The following FRAS1 variants were observed in gnomAD, a reference collection of about 807,000 sequenced individuals.
The protein encoded by FRAS1 is extracellular matrix organizing protein FRAS1.
In FRAS1, 290 loss-of-function variants were observed where a neutral mutation model predicts 435.2. That is an observed-to-expected ratio of 0.67 (90% CI 0.61 to 0.73). The LOEUF is 0.73. Ranked by LOEUF, FRAS1 falls within the 30% of genes least tolerant of loss-of-function variation. FRAS1 has a pLI of 0.00. For missense variants in FRAS1, 4,860 were observed against 5,001.5 expected (o/e 0.97, Z 0.85); for synonymous variants, 1,800 against 1,851.0 (o/e 0.97, Z 0.71).
intron 2 of FRAS1, among the ~76,000 whole-genome samples, chr4:78,130,076 C>T (rs996736443): frequency 6.6e-6 from 1 of 152,144 alleles, no homozygotes; most frequent in Non-Finnish European, 1.5e-5. Context: ...GGTTGTTTTC[C>T]ATGCAGTACT....
At chr4:78,233,204 T>C (rs1303412575) in intron 2 of FRAS1, among the ~76,000 whole-genome samples, 1 of 152,222 alleles carries the variant, frequency 6.6e-6, no homozygotes, top group African/African-American at 2.4e-5. Context: ...TAAATATGGC[T>C]GGCACTTAGA....
intron 2 of FRAS1, among the ~76,000 whole-genome samples, chr4:78,122,918 C>T (rs940938640): frequency 1.3e-5 from 2 of 152,030 alleles, no homozygotes; most frequent in South Asian, 2.1e-4. Flanking sequence ...TTCTTCCATT[C>T]TGTAGGTTGC....
chr4:78,100,911 G>T (rs1284507895), intron 2 of FRAS1, among the ~76,000 whole-genome samples: 1 of 152,154 alleles, frequency 6.6e-6, no homozygotes, highest in East Asian at 1.9e-4. Flanking sequence ...AGAAATCTTG[G>T]CCTCAAAGCC....
At chr4:78,372,677 G>GA in intron 23 of FRAS1, 41 bp from the exon 24 acceptor site, 1 of 1,608,560 alleles carries the variant, frequency 6.2e-7, no homozygotes, top group Non-Finnish European at 8.5e-7. Context: ...GTCTGAGGGT[G>GA]GACAGAAAGG....
intron 24 of FRAS1, 30 bp from the exon 25 acceptor site, chr4:78,374,081 A>T: frequency 6.5e-7 from 1 of 1,545,554 alleles, no homozygotes; most frequent in Non-Finnish European, 8.8e-7. Context: ...AGCCACACAG[A>T]TTCCTGATGA....
intron 66 of FRAS1, among the ~76,000 whole-genome samples, chr4:78,517,555 G>A (rs1269675819): frequency 2.6e-5 from 4 of 152,136 alleles, no homozygotes; most frequent in African/African-American, 9.7e-5. Context: ...AATTACTGAC[G>A]TATGATAGGA....
rs72430754 is a variant in FRAS1, at chr4:78,420,879, CATATATAT to C, written c.4541-949_4541-942del. On this transcript the variant is annotated intron_variant, in intron 33 of 73. Transcript: ENST00000512123. ...CTCTAGAGGGACAGAACTAATAGGA[CATATATAT>C]ATATATATATATATATATATATATA... is the stretch of plus-strand genomic sequence containing the variant. Among the ~76,000 whole-genome samples, 261 of 95,492 alleles carry C rather than the reference CATATATAT, an allele frequency of 2.7e-3. 3 individuals carry two copies. The highest frequency in any genetic ancestry group is 9.1e-3 in the African/African-American group (219 of 24,172). The allele number at this position is 95,492 out of a possible 152,430, so 62.6% of individuals were successfully genotyped here.
chr4:78,501,547 C>T (rs1720681753), intron 61 of FRAS1, among the ~76,000 whole-genome samples: 1 of 152,168 alleles, frequency 6.6e-6, no homozygotes, highest in African/African-American at 2.4e-5. Context: ...GCCACACTGT[C>T]TTTCACAATG....
rs191067633 is a variant in FRAS1, at chr4:78,192,746, G to T, written c.109-44764G>T. 8.7e-3 allele frequency among the ~76,000 whole-genome samples: 1,324 copies of T among 152,186 alleles called. 17 individuals are homozygous for T. Among genetic ancestry groups the T allele is most frequent in the African/African-American group, 0.029 (1,224 of 41,510 alleles). On this transcript the variant is annotated intron_variant, in intron 2 of 73. Coordinates refer to ENST00000512123, the MANE Select transcript of FRAS1 (RefSeq NM_025074.7). Reference sequence around the variant, plus strand: ...CAGCTCCTGGATTCATTGATTTTTTGAGGGGTTTTTTGTGTCTCTATTTCC... The same window carrying T: ...CAGCTCCTGGATTCATTGATTTTTTTAGGGGTTTTTTGTGTCTCTATTTCC...
At chr4:78,128,696 C>T (rs1312384479) in intron 2 of FRAS1, among the ~76,000 whole-genome samples, 8 of 152,186 alleles carry the variant, frequency 5.3e-5, no homozygotes, top group African/African-American at 1.7e-4. Context: ...TCCTCCCCTT[C>T]TGTAGGTTGC....
intron 2 of FRAS1, among the ~76,000 whole-genome samples, chr4:78,134,059 T>C (rs978891581): frequency 4.0e-5 from 6 of 150,906 alleles, no homozygotes; most frequent in Non-Finnish European, 7.4e-5. Context: ...TCCCGGGTCA[T>C]GCCATTCTCC....
chr4:78,355,891 C>A (rs562415068), intron 20 of FRAS1, among the ~76,000 whole-genome samples: 4 of 152,300 alleles, frequency 2.6e-5, no homozygotes, highest in African/African-American at 7.2e-5. Flanking sequence ...AGATGTGCTT[C>A]TATGGTGTGG....
intron 14 of FRAS1, among the ~76,000 whole-genome samples, chr4:78,305,861 C>T (rs1728684465): frequency 6.6e-6 from 1 of 151,374 alleles, no homozygotes; most frequent in Non-Finnish European, 1.5e-5. Context: ...AGTCCATTTA[C>T]ATTTAAAGTT....
At chr4:78,166,668 CA>C (rs1450463397) in intron 2 of FRAS1, among the ~76,000 whole-genome samples, 2 of 152,114 alleles carry the variant, frequency 1.3e-5, no homozygotes, top group Non-Finnish European at 2.9e-5. Context: ...TTGAATATAG[CA>C]AATAGAATTA....
chr4:78,336,953 T>C lies in FRAS1; in HGVS notation c.2279-721T>C, dbSNP rs190716097. Among the ~76,000 whole-genome samples the C allele has an allele frequency of 2.3e-3, 347 of 152,324 alleles. 1 individual carries two copies. Among genetic ancestry groups the C allele is most frequent in the African/African-American group, 8.0e-3 (331 of 41,564 alleles). ...TGATTCTTTGCCACCCTTATCCTTATTGCTTACACCTTACCGTGACTCTCT... is the reference window on the plus strand; with the variant it reads ...TGATTCTTTGCCACCCTTATCCTTACTGCTTACACCTTACCGTGACTCTCT... On this transcript the variant is annotated intron_variant, in intron 19 of 73. Transcript: ENST00000512123.
intron 31 of FRAS1, among the ~76,000 whole-genome samples, chr4:78,412,513 G>T (rs896256372): frequency 1.3e-5 from 2 of 152,128 alleles, no homozygotes; most frequent in African/African-American, 4.8e-5. Flanking sequence ...AAAAATGAAA[G>T]AAATGGAATA....
intron 41 of FRAS1, among the ~76,000 whole-genome samples, chr4:78,442,855 G>A (rs1303874268): frequency 6.6e-6 from 1 of 152,218 alleles, no homozygotes; most frequent in Admixed American, 6.5e-5. Flanking sequence ...TAGCTCACAG[G>A]TGATGCCATT....
At chr4:78,078,400 G>A (rs1294069956) in intron 2 of FRAS1, among the ~76,000 whole-genome samples, 2 of 152,070 alleles carry the variant, frequency 1.3e-5, no homozygotes, top group Admixed American at 1.3e-4. Context: ...AATTTACACT[G>A]CCATTAGTTA....
chr4:78,234,966 T>C (rs375953087), intron 2 of FRAS1, among the ~76,000 whole-genome samples: 334 of 152,366 alleles, frequency 2.2e-3, no homozygotes, highest in African/African-American at 7.6e-3. Flanking sequence ...CAGAGAGATT[T>C]ATTTTAAGGG....
Sources: allele counts gnomAD v4.1 joint callset (sites outside exome capture counted in the v4.1 genomes callset), GRCh38; gene constraint gnomAD v4.1.1; transcripts MANE v1.5; gene names NCBI Gene and HGNC (gene_info 2026-07-23, HGNC 2026-07-21).